PPHLN1: variants seen among roughly 807,000 people sequenced by gnomAD.
PPHLN1 encodes the protein periphilin 1, also known as periphilin-1.
In PPHLN1, 29 loss-of-function variants were observed where a neutral mutation model predicts 51.3. That is an observed-to-expected ratio of 0.57 (90% CI 0.42 to 0.77). PPHLN1 has a LOEUF of 0.77. Ranked by LOEUF, PPHLN1 falls within the 30% of genes least tolerant of loss-of-function variation. The pLI, the probability that PPHLN1 is intolerant of heterozygous loss-of-function variation, is 0.00. For missense variants in PPHLN1, 436 were observed against 438.4 expected, an observed-to-expected ratio of 0.99 and a Z score of 0.05; for synonymous variants, 147 against 147.8, an observed-to-expected ratio of 0.99 and a Z score of 0.04.
intron 9 of PPHLN1, among the ~76,000 whole-genome samples, chr12:42,414,288 G>T (rs2080169020): frequency 1.3e-5 from 2 of 152,148 alleles, no homozygotes; most frequent in African/African-American, 2.4e-5. Flanking sequence ...ACCAGCCTCG[G>T]CCTCCCAAAG....
At chr12:42,361,893 G>T (rs2074733333) in intron 4 of PPHLN1, among the ~76,000 whole-genome samples, 1 of 152,142 alleles carries the variant, frequency 6.6e-6, no homozygotes, top group Non-Finnish European at 1.5e-5. Context: ...GGGTACATAT[G>T]TAAGAGTGGA....
chr12:42,350,640 C>G (rs976076023), intron 2 of PPHLN1, among the ~76,000 whole-genome samples: 2 of 152,094 alleles, frequency 1.3e-5, no homozygotes, highest in Non-Finnish European at 2.9e-5. Flanking sequence ...TTGTAGCGAG[C>G]GGAGATCACG....
intron 2 of PPHLN1, among the ~76,000 whole-genome samples, chr12:42,340,519 A>G (rs569483037): frequency 6.6e-6 from 1 of 152,332 alleles, no homozygotes; most frequent in South Asian, 2.1e-4. Context: ...GCTACTGCCA[A>G]GTGCAACAAC....
chr12:42,403,504 T>C (rs2079019429), intron 9 of PPHLN1, among the ~76,000 whole-genome samples: 1 of 152,230 alleles, frequency 6.6e-6, no homozygotes, highest in Non-Finnish European at 1.5e-5. Flanking sequence ...ATCTAAAAGC[T>C]ATCTCTATAA....
chr12:42,397,515 A>G (rs1257478384), intron 8 of PPHLN1, among the ~76,000 whole-genome samples: 1 of 151,176 alleles, frequency 6.6e-6, no homozygotes, highest in East Asian at 1.9e-4. Flanking sequence ...TCTCTGTTGT[A>G]CTTTCTTTGC....
At chr12:42,343,296 T>G (rs2071765554) in intron 2 of PPHLN1, among the ~76,000 whole-genome samples, 1 of 152,218 alleles carries the variant, frequency 6.6e-6, no homozygotes, top group Non-Finnish European at 1.5e-5. Context: ...TTATTATTGT[T>G]TTATACAGTC....
intron 1 of PPHLN1, among the ~76,000 whole-genome samples, chr12:42,329,441 TATTA>T (rs1455577748): frequency 1.3e-5 from 2 of 152,338 alleles, no homozygotes; most frequent in South Asian, 4.1e-4. Context: ...AACATTAGAA[TATTA>T]ATTCACTCTG....
chr12:42,395,418 C>T (rs1411113056), intron 8 of PPHLN1, among the ~76,000 whole-genome samples: 7 of 151,924 alleles, frequency 4.6e-5, no homozygotes, highest in South Asian at 2.1e-4. Context: ...GATACTTTTT[C>T]GTACTGGAAA....
At chr12:42,365,510 C>T (rs1296520161) in intron 4 of PPHLN1, among the ~76,000 whole-genome samples, 4 of 152,122 alleles carry the variant, frequency 2.6e-5, no homozygotes, top group Non-Finnish European at 4.4e-5. Context: ...CACCGCTTAC[C>T]TGGTTTGACT....
chr12:42,329,453 C>T (rs2069358874), intron 1 of PPHLN1, among the ~76,000 whole-genome samples: 1 of 152,144 alleles, frequency 6.6e-6, no homozygotes, highest in Non-Finnish European at 1.5e-5. Context: ...TTAATTCACT[C>T]TGAATACTGA....
intron 6 of PPHLN1, among the ~76,000 whole-genome samples, chr12:42,386,619 A>G (rs1212631309): frequency 6.6e-6 from 1 of 152,074 alleles, no homozygotes; most frequent in Non-Finnish European, 1.5e-5. Flanking sequence ...TTCTCATGTT[A>G]TTAATTTTGT....
At chr12:42,378,096 CTTTCTTTCTT>C (rs2076438953) in intron 5 of PPHLN1, among the ~76,000 whole-genome samples, 3 of 13,264 alleles carry the variant, frequency 2.3e-4, no homozygotes, top group Admixed American at 5.4e-4. Flanking sequence ...CTTTCTCTTT[CTTTCTTTCTT>C]TCTTTCTTTC....
rs924006790 is a variant in PPHLN1 at position 42,442,081 on chromosome 12, A to G, written c.*572A>G. On this transcript the variant is annotated 3_prime_UTR_variant, in exon 10 of 10. Transcript: ENST00000358314. Reference sequence around the variant, plus strand: ...GAACTCAGTGTCTTCTATTACAATAATCCTGAAACTCCTGACTCTCTCACT... The same window carrying G: ...GAACTCAGTGTCTTCTATTACAATAGTCCTGAAACTCCTGACTCTCTCACT... 12 of 531,412 alleles carry G rather than the reference A, an allele frequency of 2.3e-5. No homozygotes were observed. Among genetic ancestry groups the G allele is most frequent in the Admixed American group, 1.3e-4 (2 of 15,718 alleles). 32.9% of individuals were successfully genotyped at this position (531,412 alleles called of 1,614,324 possible). A position where few individuals can be genotyped will look rare whatever the true frequency, so the allele number is the denominator to read the frequency against.
intron 7 of PPHLN1, among the ~76,000 whole-genome samples, chr12:42,388,744 C>G (rs1018062962): frequency 6.6e-6 from 1 of 152,168 alleles, no homozygotes; most frequent in African/African-American, 2.4e-5. Context: ...GCCAGGAGTT[C>G]ACAACTAGCC....
chr12:42,390,593 C>T (rs1211115070), intron 7 of PPHLN1, among the ~76,000 whole-genome samples: 1 of 151,846 alleles, frequency 6.6e-6, no homozygotes, highest in Non-Finnish European at 1.5e-5. Flanking sequence ...GATCTACATG[C>T]AACTGTGGCC....
chr12:42,376,622 C>T (rs536411019), intron 5 of PPHLN1, among the ~76,000 whole-genome samples: 13 of 152,052 alleles, frequency 8.5e-5, no homozygotes, highest in Middle Eastern at 3.4e-3. Context: ...ACCCCTGTCT[C>T]TCAAAAAAGA....
chr12:42,447,234 A>T (rs1026146926), downstream of PPHLN1: 1 of 152,292 alleles, frequency 6.6e-6, no homozygotes, highest in Non-Finnish European at 1.5e-5. Flanking sequence ...TTTATTTTTT[A>T]AATTTTTTTA....
downstream of PPHLN1, chr12:42,443,914 C>G (rs1257349995): frequency 6.6e-6 from 1 of 152,188 alleles, no homozygotes; most frequent in Non-Finnish European, 1.5e-5. Flanking sequence ...GAAAGGCTAG[C>G]TCACCTATTT....
intron 4 of PPHLN1, among the ~76,000 whole-genome samples, chr12:42,355,875 G>A (rs1425300006): frequency 6.6e-6 from 1 of 152,100 alleles, no homozygotes; most frequent in African/African-American, 2.4e-5. Flanking sequence ...TGCTTAATTA[G>A]AAAGTAAGGC....
Sources: gnomAD v4.1 joint callset for allele counts (sites outside exome capture counted in the v4.1 genomes callset) on GRCh38, gnomAD v4.1.1 for gene constraint, MANE v1.5 for transcripts, NCBI Gene and HGNC (gene_info 2026-07-23, HGNC 2026-07-21) for gene names.